Variants in NDUFAF2 observed in about 807,000 individuals in gnomAD.
The protein encoded by NDUFAF2 is NADH:ubiquinone oxidoreductase complex assembly factor 2, also known as NADH dehydrogenase [ubiquinone] 1 alpha subcomplex assembly factor 2.
NDUFAF2 carries 13 observed loss-of-function variants against 22.8 expected under a neutral mutation model. That is an observed-to-expected ratio of 0.57 (90% CI 0.37 to 0.91). The LOEUF is 0.91. Among genes scored for constraint, NDUFAF2 ranks in the 40% least tolerant of loss-of-function variants. NDUFAF2 has a pLI of 0.01. For synonymous variants in NDUFAF2, 53 were observed against 64.2 expected, an observed-to-expected ratio of 0.83 and a Z score of 0.84; for missense variants, 162 against 195.2, an observed-to-expected ratio of 0.83 and a Z score of 1.01.
chr5:61,027,921 C>T (rs1751672739), intron 1 of NDUFAF2, among the ~76,000 whole-genome samples: 1 of 151,894 alleles, frequency 6.6e-6, no homozygotes, highest in African/African-American at 2.4e-5. Flanking sequence ...TTATTGACTG[C>T]CATCTTTGTA....
At chr5:61,033,320 T>C (rs1751752456) in intron 1 of NDUFAF2, among the ~76,000 whole-genome samples, 1 of 152,172 alleles carries the variant, frequency 6.6e-6, no homozygotes, top group Non-Finnish European at 1.5e-5. Flanking sequence ...TATTACACTA[T>C]GTGAAGACAG....
intron 3 of NDUFAF2, among the ~76,000 whole-genome samples, chr5:61,147,433 C>CTTTATTTTTT (rs1561139813): frequency 2.1e-5 from 1 of 47,476 alleles, no homozygotes; most frequent in African/African-American, 6.2e-5. Context: ...ATTTTTTTTT[C>CTTTATTTTTT]TTTCTTTTTT....
chr5:60,971,797 CT>C (rs898964508), intron 1 of NDUFAF2, among the ~76,000 whole-genome samples: 1 of 152,038 alleles, frequency 6.6e-6, no homozygotes, highest in African/African-American at 2.4e-5. Context: ...TGAACTCATC[CT>C]TTTTTATGGC....
chr5:61,092,481 GAGTT>G (rs1752581234), intron 2 of NDUFAF2, among the ~76,000 whole-genome samples: 1 of 152,076 alleles, frequency 6.6e-6, no homozygotes, highest in African/African-American at 2.4e-5. Context: ...TTGTGAATGG[GAGTT>G]AGTTTGTAAT....
intron 1 of NDUFAF2, among the ~76,000 whole-genome samples, chr5:61,000,894 G>T (rs1242509322): frequency 6.6e-6 from 1 of 152,082 alleles, no homozygotes; most frequent in Non-Finnish European, 1.5e-5. Flanking sequence ...ATAGAGAATG[G>T]GTATATGCCT....
At chr5:61,145,190 A>AAGGGCTCTTAACC (rs1467369877) in intron 3 of NDUFAF2, among the ~76,000 whole-genome samples, 1 of 152,208 alleles carries the variant, frequency 6.6e-6, no homozygotes, top group Non-Finnish European at 1.5e-5. Flanking sequence ...CAGCTACCAA[A>AAGGGCTCTTAACC]AGGGCTCTTA....
chr5:61,073,128 A>G lies in NDUFAF2; in HGVS notation c.131A>G (p.Gln44Arg), dbSNP rs775605330. The G allele has an allele frequency of 1.2e-6, 2 of 1,606,178 alleles. No individual in the cohort carries two copies. The highest frequency in any genetic ancestry group is 1.1e-5 in the South Asian group (1 of 90,962). Residue 44 changes from glutamine to arginine, a missense_variant, in exon 2 of 4, where the codon CAA (glutamine) becomes CGA (arginine). Gln to Arg is a conservative substitution (Grantham distance 43). Coordinates refer to ENST00000296597, the MANE Select transcript of NDUFAF2 (RefSeq NM_174889.5). ...ATTAATGACTTTTGTCTTATAGGAC[A>G]AACTATTCGAGAGAAAAGAATTGTA... ...YIPQYKNWRGQTIREKRIVEA... is the reference protein window; with the variant it reads ...YIPQYKNWRGRTIREKRIVEA...
intron 3 of NDUFAF2, among the ~76,000 whole-genome samples, chr5:61,107,897 A>G (rs1249261428): frequency 7.0e-6 from 1 of 142,386 alleles, no homozygotes; most frequent in Non-Finnish European, 1.5e-5. Context: ...ATTCCCACCT[A>G]TGAGTGAGAA....
At position 61,073,256 on chromosome 5, in the gene NDUFAF2, A is replaced by G. The variant is rs10471502; in HGVS notation, c.217+42A>G. 0.66 allele frequency: 919,419 copies of G among 1,391,362 alleles called. 306,452 individuals carry two copies. Among genetic ancestry groups the G allele is most frequent in the East Asian group, 0.95 (41,394 of 43,662 alleles). 86.2% of individuals were successfully genotyped at this position (1,391,362 alleles called of 1,614,324 possible). Reference sequence around the variant, plus strand: ...AGTAGAATCTCATGGGAGGTAAGTTATATAACAGTATACAAATTCAATAAG... The same window carrying G: ...AGTAGAATCTCATGGGAGGTAAGTTGTATAACAGTATACAAATTCAATAAG... On this transcript the variant is annotated intron_variant, in intron 2 of 3. Coordinates refer to ENST00000296597, the MANE Select transcript of NDUFAF2 (RefSeq NM_174889.5).
chr5:61,015,309 T>C (rs1751491737), intron 1 of NDUFAF2, among the ~76,000 whole-genome samples: 1 of 152,140 alleles, frequency 6.6e-6, no homozygotes, highest in African/African-American at 2.4e-5. Flanking sequence ...TCAGACAGGG[T>C]CTTGCTCTGT....
chr5:61,006,990 G>T (rs1441847426), intron 1 of NDUFAF2, among the ~76,000 whole-genome samples: 1 of 152,024 alleles, frequency 6.6e-6, no homozygotes, highest in African/African-American at 2.4e-5. Context: ...AAATTTGTTT[G>T]AGTTCATTGT....
intron 1 of NDUFAF2, among the ~76,000 whole-genome samples, chr5:60,978,853 C>A (rs1750937679): frequency 6.6e-6 from 1 of 152,126 alleles, no homozygotes; most frequent in African/African-American, 2.4e-5. Context: ...GCCTGTGTCA[C>A]CCCTCCTTTA....
At chr5:60,984,780 G>T (rs1342570498) in intron 1 of NDUFAF2, among the ~76,000 whole-genome samples, 1 of 152,160 alleles carries the variant, frequency 6.6e-6, no homozygotes, top group Non-Finnish European at 1.5e-5. Flanking sequence ...TTGATGTGCT[G>T]CTGGATTCGG....
intron 3 of NDUFAF2, among the ~76,000 whole-genome samples, chr5:61,151,789 C>T (rs745461024): frequency 7.5e-5 from 9 of 119,776 alleles, no homozygotes; most frequent in East Asian, 3.6e-4. Context: ...AGCAAAACTC[C>T]GTCTCAAAAA....
intron 1 of NDUFAF2, among the ~76,000 whole-genome samples, chr5:61,017,593 A>T (rs1426209933): frequency 6.6e-6 from 1 of 152,162 alleles, no homozygotes; most frequent in African/African-American, 2.4e-5. Flanking sequence ...GTTGTTAAAT[A>T]TAAACATTAG....
At chr5:61,137,151 G>A (rs1477810409) in intron 3 of NDUFAF2, among the ~76,000 whole-genome samples, 1 of 152,092 alleles carries the variant, frequency 6.6e-6, no homozygotes, top group African/African-American at 2.4e-5. Flanking sequence ...TCCACATGAA[G>A]TATCTGTTCT....
At chr5:61,142,771 TG>T (rs1741077505) in intron 3 of NDUFAF2, among the ~76,000 whole-genome samples, 1 of 152,222 alleles carries the variant, frequency 6.6e-6, no homozygotes, top group South Asian at 2.1e-4. Flanking sequence ...ATTTACTCTT[TG>T]GGTTTCTACT....
chr5:61,150,895 G>A (rs1741227889), intron 3 of NDUFAF2, among the ~76,000 whole-genome samples: 1 of 152,136 alleles, frequency 6.6e-6, no homozygotes. Flanking sequence ...AAGAATTCTA[G>A]AGGGTATAGG....
Position 61,062,258 on chromosome 5 carries a change from A to C in NDUFAF2, c.128-10867A>C, listed in dbSNP as rs1039064850. On this transcript the variant is annotated intron_variant, in intron 1 of 3. Transcript: ENST00000296597. Reference sequence around the variant, plus strand: ...GTCTAAAAGAAATTCAAAATAATGAACCTGAGGAAACTCATTAAGAAAGAA... The same window carrying C: ...GTCTAAAAGAAATTCAAAATAATGACCCTGAGGAAACTCATTAAGAAAGAA... Among the ~76,000 whole-genome samples the C allele has an allele frequency of 2.0e-5, 3 of 152,180 alleles. No individual in the cohort carries two copies. In the East Asian group the frequency reaches 5.8e-4, roughly 29 times the overall value.
Sources: allele counts gnomAD v4.1 joint callset (sites outside exome capture counted in the v4.1 genomes callset), GRCh38; gene constraint gnomAD v4.1.1; transcripts MANE v1.5; gene names NCBI Gene and HGNC (gene_info 2026-07-23, HGNC 2026-07-21).